The following HPSE variants were observed in gnomAD, a reference collection of about 807,000 sequenced individuals.
The protein encoded by HPSE is endo-glucoronidase.
In HPSE, 48 loss-of-function variants were observed where a neutral mutation model predicts 65.1. The observed-to-expected ratio is 0.74, with a 90% CI of 0.58 to 0.94. The LOEUF (loss-of-function observed/expected upper bound fraction) is 0.94, where lower values mean the gene tolerates loss of function less well. Among genes scored for constraint, HPSE ranks in the 40% least tolerant of loss-of-function variants. The probability of loss-of-function intolerance (pLI) is 0.00; values close to 1 mark genes in which losing one functional copy is unlikely to be tolerated. For missense variants in HPSE, 644 were observed against 637.5 expected (o/e 1.01, Z -0.11); for synonymous variants, 243 against 260.0 (o/e 0.93, Z 0.63).
chr4:83,313,337 G>T, intron 3 of HPSE, 50 bp from the exon 4 acceptor site: 2 of 1,272,578 alleles, frequency 1.6e-6, no homozygotes, highest in Non-Finnish European at 2.2e-6. Flanking sequence ...CCACAATGAA[G>T]GCCTCCAGAT....
intron 4 of HPSE, among the ~76,000 whole-genome samples, chr4:83,312,316 A>T (rs948024475): frequency 1.3e-5 from 2 of 152,200 alleles, no homozygotes; most frequent in African/African-American, 4.8e-5. Flanking sequence ...TGCCACATGC[A>T]CTTCCAAAAG....
In HPSE at chr4:83,334,684, C is replaced by T. The variant is rs1363984073; in HGVS notation, c.99G>A (p.Ala33=). The change falls in exon 1 of 12, where the codon GCG becomes GCA. Residue 33 remains alanine, a synonymous_variant. Transcript: ENST00000311412. Reference sequence around the variant, plus strand: ...CCAGGTCCACGACGTCCTGTGCTTGCGCAGGTCGGGGCAGGGCGCCAGGGG... The same window carrying T: ...CCAGGTCCACGACGTCCTGTGCTTGTGCAGGTCGGGGCAGGGCGCCAGGGG... ...PLSPGALPRP[A]QAQDVVDLDF... 1 of 1,573,240 alleles carries T rather than the reference C, an allele frequency of 6.4e-7. No homozygotes were observed. Among genetic ancestry groups the T allele is most frequent in the Non-Finnish European group, 8.6e-7 (1 of 1,159,252 alleles).
At chr4:83,331,242 G>T (rs1737359412) in intron 1 of HPSE, among the ~76,000 whole-genome samples, 1 of 151,998 alleles carries the variant, frequency 6.6e-6, no homozygotes, top group African/African-American at 2.4e-5. Context: ...TCTGAGAAGT[G>T]CTGTAAATAA....
At position 83,302,999 on chromosome 4, in the gene HPSE, A is replaced by T. The variant is rs546175516; in HGVS notation, c.1207-731T>A. ...CAAAATAACAGTTAAAAAAATCTTA[A>T]AAAAAAATTTATTTTAAAACCTTAT... On this transcript the variant is annotated intron_variant, in intron 9 of 11. Coordinates refer to ENST00000311412, the MANE Select transcript of HPSE (RefSeq NM_001098540.3). Among the ~76,000 whole-genome samples the T allele has an allele frequency of 2.4e-3, 362 of 152,242 alleles. 2 individuals are homozygous for T. The highest frequency in any genetic ancestry group is 4.3e-3 in the African/African-American group (178 of 41,550).
chr4:83,324,837 T>C (rs893224188), intron 1 of HPSE, among the ~76,000 whole-genome samples: 2 of 152,162 alleles, frequency 1.3e-5, no homozygotes, highest in Admixed American at 1.3e-4. Flanking sequence ...AGTTCTGAGA[T>C]AGATAGTGGT....
At chr4:83,312,162 G>C (rs1035686903) in intron 4 of HPSE, among the ~76,000 whole-genome samples, 1 of 152,156 alleles carries the variant, frequency 6.6e-6, no homozygotes, top group East Asian at 1.9e-4. Flanking sequence ...AGCTTGCCAA[G>C]CATAATAGGG....
At chr4:83,334,926 C>T (rs1049100433), upstream of HPSE, 45 of 1,301,958 alleles carry the variant, frequency 3.5e-5, no homozygotes, top group African/African-American at 6.0e-4. Context: ...ACTGCGCCCT[C>T]CATCCCTCCC....
chr4:83,297,932 G>A (rs1013132653), intron 11 of HPSE, among the ~76,000 whole-genome samples: 13 of 152,162 alleles, frequency 8.5e-5, no homozygotes, highest in Non-Finnish European at 1.8e-4. Context: ...TTTTAGATAT[G>A]CTTTTGGAGA....
At chr4:83,307,458 G>A (rs192539354) in intron 8 of HPSE, among the ~76,000 whole-genome samples, 83 of 152,292 alleles carry the variant, frequency 5.5e-4, no homozygotes, top group Middle Eastern at 6.8e-3. Flanking sequence ...CTTTCCATAT[G>A]ATAACAAATC....
intron 9 of HPSE, among the ~76,000 whole-genome samples, chr4:83,303,773 C>T (rs1167869745): frequency 1.3e-5 from 2 of 152,168 alleles, no homozygotes; most frequent in Admixed American, 1.3e-4. Context: ...AAGTGATCCT[C>T]CTGCCTCAGC....
rs1289112303 is a variant in HPSE, at chr4:83,301,974, A to C, written c.1325+176T>G. Among the ~76,000 whole-genome samples the C allele has an allele frequency of 2.6e-5, 4 of 152,214 alleles. No homozygotes were observed. The East Asian group carries it at 7.7e-4, about 29-fold the overall frequency. Reference sequence around the variant, plus strand: ...CCGTCTCAAAAAACAACAACAACAAAAGTAGCATTTTTCTTCTAAAAATAA... The same window carrying C: ...CCGTCTCAAAAAACAACAACAACAACAGTAGCATTTTTCTTCTAAAAATAA... On this transcript the variant is annotated intron_variant, in intron 10 of 11. Transcript: ENST00000311412.
Position 83,326,664 on chromosome 4 carries a change from A to G in HPSE, c.228-4300T>C, listed in dbSNP as rs1737169232. Reference sequence around the variant, plus strand: ...GTCAGGGACTGGCAACCCCTAGCTCACAGGTCACAAGGTATGGCCCTAAAA... The same window carrying G: ...GTCAGGGACTGGCAACCCCTAGCTCGCAGGTCACAAGGTATGGCCCTAAAA... On this transcript the variant is annotated intron_variant, in intron 1 of 11. Coordinates refer to ENST00000311412, the MANE Select transcript of HPSE (RefSeq NM_001098540.3). The surrounding 1 kb of genome is among the most constrained non-coding windows in gnomAD (Gnocchi z 4.2). Among the ~76,000 whole-genome samples, 2 of 152,202 alleles carry G rather than the reference A, an allele frequency of 1.3e-5. No individual in the cohort carries two copies. Among genetic ancestry groups the G allele is most frequent in the African/African-American group, 2.4e-5 (1 of 41,454 alleles).
At position 83,292,503 on chromosome 4, in the gene HPSE, A is replaced by G. The variant is rs1288151590; in HGVS notation, c.*2841T>C. 1.3e-5 allele frequency: 2 copies of G among 152,256 alleles called. No individual in the cohort carries two copies. Among genetic ancestry groups the G allele is most frequent in the Non-Finnish European group, 2.9e-5 (2 of 68,046 alleles). The allele number at this position is 152,256 out of a possible 1,614,324, so 9.4% of individuals were successfully genotyped here. On this transcript the variant is annotated 3_prime_UTR_variant, in exon 12 of 12. Coordinates refer to ENST00000311412, the MANE Select transcript of HPSE (RefSeq NM_001098540.3). ...ACTTTATTTCAAATGTGAAAATATA[A>G]AAACCACTTACATATAAAATTTAAG...
chr4:83,301,947 C>G (rs1735964443), intron 10 of HPSE, among the ~76,000 whole-genome samples: 1 of 151,982 alleles, frequency 6.6e-6, no homozygotes, highest in African/African-American at 2.4e-5. Context: ...ACGAGCGAGG[C>G]CCCGTCTCAA....
At chr4:83,332,846 A>G (rs756538771) in intron 1 of HPSE, among the ~76,000 whole-genome samples, 1 of 152,166 alleles carries the variant, frequency 6.6e-6, no homozygotes, top group Non-Finnish European at 1.5e-5. Context: ...TATGCTGGCT[A>G]CAGCAATAGA....
Position 83,323,868 on chromosome 4 carries a change from G to T in HPSE, c.228-1504C>A, listed in dbSNP as rs11938649. Reference sequence around the variant, plus strand: ...TCCCTTCCCTCAAAAAGATGAGGATGTTCATAAATATTTACATGAGCAAAA... The same window carrying T: ...TCCCTTCCCTCAAAAAGATGAGGATTTTCATAAATATTTACATGAGCAAAA... On this transcript the variant is annotated intron_variant, in intron 1 of 11. Coordinates refer to ENST00000311412, the MANE Select transcript of HPSE (RefSeq NM_001098540.3). 1.7e-3 allele frequency among the ~76,000 whole-genome samples: 252 copies of T among 152,244 alleles called. 1 individual carries two copies. The highest frequency in any genetic ancestry group is 5.7e-3 in the African/African-American group (238 of 41,562).
intron 2 of HPSE, among the ~76,000 whole-genome samples, chr4:83,320,756 A>T (rs1229228752): frequency 6.6e-6 from 1 of 152,112 alleles, no homozygotes; most frequent in Non-Finnish European, 1.5e-5. Context: ...CTCACAGAGG[A>T]TGTTTCAGAG....
chr4:83,306,479 G>C (rs2126186085), intron 8 of HPSE, among the ~76,000 whole-genome samples, 162 bp from the exon 9 acceptor site: 1 of 152,268 alleles, frequency 6.6e-6, no homozygotes, highest in Admixed American at 6.5e-5. Context: ...GCAGTGGCGT[G>C]ATCATAGCTC....
chr4:83,332,454 A>G (rs1206251617), intron 1 of HPSE, among the ~76,000 whole-genome samples: 1 of 152,258 alleles, frequency 6.6e-6, no homozygotes, highest in Non-Finnish European at 1.5e-5. Context: ...GGGCTGGAAC[A>G]GACAGCAGCC....
Sources: allele counts gnomAD v4.1 joint callset (sites outside exome capture counted in the v4.1 genomes callset), GRCh38; gene constraint gnomAD v4.1.1; non-coding constraint Gnocchi (gnomAD v3.1); transcripts MANE v1.5; gene names NCBI Gene and HGNC (gene_info 2026-07-23, HGNC 2026-07-21).